The following PRKG1 variants were observed in gnomAD, a reference collection of about 807,000 sequenced individuals.
PRKG1 encodes the protein protein kinase cGMP-dependent 1.
PRKG1 carries 35 observed loss-of-function variants against 88.1 expected under a neutral mutation model. The ratio of observed to expected loss-of-function variants is 0.40; its 90% CI spans 0.30 to 0.53. PRKG1 has a LOEUF of 0.53. Among genes scored for constraint, PRKG1 ranks in the 20% least tolerant of loss-of-function variants. PRKG1 has a pLI of 0.59. For synonymous variants in PRKG1, 303 were observed against 292.5 expected (o/e 1.04, Z -0.37); for missense variants, 540 against 839.8 (o/e 0.64, Z 4.41).
chr10:51,183,712 T>A (rs1345403824), intron 2 of PRKG1, among the ~76,000 whole-genome samples: 1 of 152,224 alleles, frequency 6.6e-6, no homozygotes, highest in Non-Finnish European at 1.5e-5. Flanking sequence ...TTTATATATC[T>A]GTATATTAAT....
intron 3 of PRKG1, chr10:51,698,729 C>T (rs758038992): frequency 6.2e-7 from 1 of 1,614,224 alleles, no homozygotes; most frequent in South Asian, 1.1e-5. Flanking sequence ...AGGACCAGCT[C>T]CGGGAACTGC....
intron 9 of PRKG1, among the ~76,000 whole-genome samples, chr10:52,192,590 A>G (rs1839393917): frequency 6.6e-6 from 1 of 152,094 alleles, no homozygotes; most frequent in South Asian, 2.1e-4. Flanking sequence ...CTATGTTCAT[A>G]AAGTCAAAGG....
intron 2 of PRKG1, among the ~76,000 whole-genome samples, chr10:51,456,842 A>G (rs1320973199): frequency 1.3e-5 from 2 of 152,324 alleles, no homozygotes; most frequent in South Asian, 4.1e-4. Flanking sequence ...AAAATGCTCA[A>G]CATCACTAAT....
In PRKG1 at chr10:51,797,530, TTGTA is replaced by T. The variant is rs1452639295; in HGVS notation, c.593-7049_593-7046del. 7.5e-5 allele frequency among the ~76,000 whole-genome samples: 11 copies of T among 146,802 alleles called. No homozygotes were observed. In the South Asian group the frequency reaches 1.5e-3, roughly 20 times the overall value. On this transcript the variant is annotated intron_variant, in intron 3 of 17. Coordinates refer to ENST00000373980, the MANE Select transcript of PRKG1 (RefSeq NM_006258.4). ...AATATAGAATATATAGATAAATTTGTTGTATGTATTTAATATTAAATATAATATT... is the reference window on the plus strand; with the variant it reads ...AATATAGAATATATAGATAAATTTGTTGTATTTAATATTAAATATAATATT...
At chr10:51,210,095 C>G (rs111289525) in intron 2 of PRKG1, among the ~76,000 whole-genome samples, 3,068 of 152,110 alleles carry the variant, frequency 0.02, 47 homozygotes, top group Middle Eastern at 0.051. Context: ...TGTAAAAGAA[C>G]AGAAATTATA....
At chr10:52,015,215 A>G (rs1845007797) in intron 5 of PRKG1, among the ~76,000 whole-genome samples, 1 of 152,164 alleles carries the variant, frequency 6.6e-6, no homozygotes, top group South Asian at 2.1e-4. Flanking sequence ...AGGCATTTCC[A>G]TACATCCTCT....
intron 4 of PRKG1, among the ~76,000 whole-genome samples, chr10:51,866,888 T>C (rs954849080): frequency 2.0e-5 from 3 of 152,172 alleles, no homozygotes; most frequent in Non-Finnish European, 4.4e-5. Context: ...GCATTTTTCC[T>C]TAAGGAACTC....
At chr10:51,797,962 A>C (rs1839061333) in intron 3 of PRKG1, among the ~76,000 whole-genome samples, 1 of 152,048 alleles carries the variant, frequency 6.6e-6, no homozygotes, top group African/African-American at 2.4e-5. Context: ...TCTATGTTAT[A>C]GCACATATGA....
intron 2 of PRKG1, among the ~76,000 whole-genome samples, chr10:51,186,967 T>C (rs983264112): frequency 1.4e-5 from 2 of 145,768 alleles, no homozygotes; most frequent in African/African-American, 5.0e-5. Flanking sequence ...TATATATATA[T>C]ATATATATAT....
intron 9 of PRKG1, among the ~76,000 whole-genome samples, chr10:52,163,856 G>A (rs1412365590): frequency 6.6e-6 from 1 of 152,112 alleles, no homozygotes; most frequent in Non-Finnish European, 1.5e-5. Flanking sequence ...CTTAACTTTG[G>A]AAGAAAATCA....
chr10:51,580,945 C>A (rs545740068), intron 3 of PRKG1, among the ~76,000 whole-genome samples: 1 of 152,112 alleles, frequency 6.6e-6, no homozygotes. Context: ...TTTCTTTGTT[C>A]CCAGGTGGAT....
At chr10:51,111,341 G>A (rs1409093494) in intron 1 of PRKG1, among the ~76,000 whole-genome samples, 1 of 152,048 alleles carries the variant, frequency 6.6e-6, no homozygotes, top group Non-Finnish European at 1.5e-5. Context: ...TTTTGATACA[G>A]GCATACAGGG....
chr10:52,206,304 C>A (rs1839818280), intron 9 of PRKG1, among the ~76,000 whole-genome samples: 1 of 152,068 alleles, frequency 6.6e-6, no homozygotes, highest in African/African-American at 2.4e-5. Context: ...CTTTCAGCTC[C>A]TATATTGTTT....
chr10:51,010,348 A>C (rs1842979405), intron 1 of PRKG1, among the ~76,000 whole-genome samples: 1 of 152,268 alleles, frequency 6.6e-6, no homozygotes, highest in Non-Finnish European at 1.5e-5. Flanking sequence ...AAACAGAATC[A>C]AGATCCCAAA....
intron 5 of PRKG1, among the ~76,000 whole-genome samples, chr10:51,950,682 T>C (rs1843160990): frequency 6.6e-6 from 1 of 152,252 alleles, no homozygotes; most frequent in East Asian, 1.9e-4. Context: ...GTTCTTTTAG[T>C]TCCACTATCC....
chr10:51,412,180 TGAGAGAGAGAGA>T (rs746950388), intron 2 of PRKG1, among the ~76,000 whole-genome samples: 3 of 125,276 alleles, frequency 2.4e-5, no homozygotes, highest in Non-Finnish European at 5.0e-5. Context: ...GGAGAGAGAG[TGAGAGAGAGAGA>T]GAGAGAGAGA....
In PRKG1 at chr10:52,166,827, ATG is replaced by A. The variant is rs1491311702; in HGVS notation, c.1076+4866_1076+4867del. ...TATATATGTATATATATGTATATAT[ATG>A]TATATATATGTATATATATGTCTAT... On this transcript the variant is annotated intron_variant, in intron 9 of 17. Transcript: ENST00000373980. 2.4e-3 allele frequency among the ~76,000 whole-genome samples: 44 copies of A among 18,146 alleles called. 2 individuals carry two copies. Among genetic ancestry groups the A allele is most frequent in the South Asian group, 0.017 (14 of 836 alleles). The allele number at this position is 18,146 out of a possible 152,430, so 11.9% of individuals were successfully genotyped here. A position where few individuals can be genotyped will look rare whatever the true frequency, so the allele number is the denominator to read the frequency against.
intron 1 of PRKG1, among the ~76,000 whole-genome samples, chr10:51,150,455 C>G (rs1846042187): frequency 6.6e-6 from 1 of 152,074 alleles, no homozygotes; most frequent in African/African-American, 2.4e-5. Context: ...AGGAAAATTA[C>G]ATGAAAAGGC....
Position 51,374,093 on chromosome 10 carries a change from A to AAATATATAT in PRKG1, c.479-93629_479-93628insATATATATA. On this transcript the variant is annotated intron_variant, in intron 2 of 17. Transcript: ENST00000373980. ...GCTGGCAGAGGTTGCAAAAAAAAAAAATATATATATATATATATATGTACT... is the reference window on the plus strand; with the variant it reads ...GCTGGCAGAGGTTGCAAAAAAAAAAAAATATATATATATATATATATATATATATGTACT... Among the ~76,000 whole-genome samples the AAATATATAT allele has an allele frequency of 1.4e-4, 14 of 100,188 alleles. 1 individual carries two copies. The Middle Eastern group carries it at 0.019, about 134-fold the overall frequency. 65.7% of individuals were successfully genotyped at this position (100,188 alleles called of 152,430 possible).
Sources: allele counts gnomAD v4.1 joint callset (sites outside exome capture counted in the v4.1 genomes callset), GRCh38; gene constraint gnomAD v4.1.1; transcripts MANE v1.5; gene names NCBI Gene and HGNC (gene_info 2026-07-23, HGNC 2026-07-21).